Variants in GABRG3 observed in about 807,000 individuals in gnomAD.
GABRG3 encodes the protein gamma-aminobutyric acid type A receptor subunit gamma3.
In GABRG3, 25 loss-of-function variants were observed where a neutral mutation model predicts 48.8. That is an observed-to-expected ratio of 0.51 (90% CI 0.37 to 0.72). GABRG3 has a LOEUF of 0.72. Among genes scored for constraint, GABRG3 ranks in the 30% least tolerant of loss-of-function variants. The pLI is 0.00. For missense variants in GABRG3, 394 were observed against 577.9 expected (o/e 0.68, Z 3.26); for synonymous variants, 227 against 217.6 (o/e 1.04, Z -0.38).
At chr15:27,132,109 T>G (rs1296211368) in intron 3 of GABRG3, among the ~76,000 whole-genome samples, 1 of 152,266 alleles carries the variant, frequency 6.6e-6, no homozygotes, top group East Asian at 1.9e-4. Flanking sequence ...AATTGTTTCC[T>G]TTGTTGTACA....
rs970460258 is a variant in GABRG3, at chr15:27,408,594, G to A, written c.575-72056G>A. ...CAGGTGAGAAGGTAAGAAATGCAGC[G>A]GTAATAGCTGTGAGGGCCGCGGGTC... On this transcript the variant is annotated intron_variant, in intron 5 of 9. Transcript: ENST00000615808. 3.3e-5 allele frequency among the ~76,000 whole-genome samples: 5 copies of A among 152,114 alleles called. No homozygotes were observed. The East Asian group carries it at 7.7e-4, about 23-fold the overall frequency.
intron 3 of GABRG3, among the ~76,000 whole-genome samples, chr15:27,311,594 A>AAC (rs1019928403): frequency 1.3e-4 from 19 of 151,998 alleles, no homozygotes; most frequent in Admixed American, 3.3e-4. Flanking sequence ...ACAACAATAA[A>AAC]ACACACACAC....
At position 27,480,508 on chromosome 15, in the gene GABRG3, C is replaced by T. The variant is rs1890072551; in HGVS notation, c.575-142C>T. The T allele has an allele frequency of 2.2e-5, 17 of 758,546 alleles. No homozygotes were observed. In the East Asian group the frequency reaches 4.6e-4, roughly 21 times the overall value. 47.0% of individuals were successfully genotyped at this position (758,546 alleles called of 1,614,324 possible). On this transcript the variant is annotated intron_variant, in intron 5 of 9. Transcript: ENST00000615808. ...CCATTCATTTTTCAAGTTTCTGTGTCTTGGAGGAAAATTGAGAGTGCACAT... is the reference window on the plus strand; with the variant it reads ...CCATTCATTTTTCAAGTTTCTGTGTTTTGGAGGAAAATTGAGAGTGCACAT...
At chr15:27,459,114 T>C (rs192698106) in intron 5 of GABRG3, among the ~76,000 whole-genome samples, 122 of 152,376 alleles carry the variant, frequency 8.0e-4, no homozygotes, top group African/African-American at 2.7e-3. Context: ...CAAAAGCCGA[T>C]TGTTTCCTGC....
chr15:27,196,280 G>A (rs1888493418), intron 3 of GABRG3, among the ~76,000 whole-genome samples: 1 of 152,004 alleles, frequency 6.6e-6, no homozygotes, highest in African/African-American at 2.4e-5. Flanking sequence ...TCATGTTTGA[G>A]TATCACCAAG....
chr15:27,329,517 G>C (rs1403288550), intron 5 of GABRG3, among the ~76,000 whole-genome samples: 1 of 152,062 alleles, frequency 6.6e-6, no homozygotes, highest in Non-Finnish European at 1.5e-5. Flanking sequence ...CACCCACCTC[G>C]GCCTCCCAAA....
In GABRG3 at chr15:27,103,450, C is replaced by T. The variant is rs1595526971; in HGVS notation, c.270+76629C>T. On this transcript the variant is annotated intron_variant, in intron 3 of 9. Transcript: ENST00000615808. ...GTCCATCCAGGGTCCACAGCATGTC[C>T]AACTAGGGTGGCCAGCCTTCTGGCA... is the stretch of plus-strand genomic sequence containing the variant. Among the ~76,000 whole-genome samples, 5 of 152,202 alleles carry T rather than the reference C, an allele frequency of 3.3e-5. No homozygotes were observed. The South Asian group carries it at 1.0e-3, about 32-fold the overall frequency.
At chr15:27,490,435 C>A (rs2150848922) in intron 6 of GABRG3, among the ~76,000 whole-genome samples, 1 of 152,296 alleles carries the variant, frequency 6.6e-6, no homozygotes, top group South Asian at 2.1e-4. Context: ...TGATGTCCAT[C>A]CAGCTCACCT....
chr15:27,466,984 G>A (rs1028363237), intron 5 of GABRG3, among the ~76,000 whole-genome samples: 2 of 152,278 alleles, frequency 1.3e-5, no homozygotes, highest in Admixed American at 6.5e-5. Flanking sequence ...AGTAATGACT[G>A]GCCTGGAACA....
In GABRG3 at chr15:27,221,355, T is replaced by C. The variant is rs1595594962; in HGVS notation, c.271-105454T>C. ...CAGTTCCCCATGCGTTATTAGTTTA[T>C]GTTACTGTACTTTCTAACTTTAAAT... On this transcript the variant is annotated intron_variant, in intron 3 of 9. Coordinates refer to ENST00000615808, the MANE Select transcript of GABRG3 (RefSeq NM_033223.5). Among the ~76,000 whole-genome samples the C allele has an allele frequency of 2.6e-5, 4 of 152,304 alleles. No individual in the cohort carries two copies. In the South Asian group the frequency reaches 8.3e-4, roughly 32 times the overall value.
At chr15:27,483,129 A>G (rs1295221799) in intron 6 of GABRG3, 1 of 152,212 alleles carries the variant, frequency 6.6e-6, no homozygotes, top group Admixed American at 6.5e-5. Flanking sequence ...AGTTCTACCA[A>G]CTGTGTGGCT....
chr15:27,272,316 G>C (rs561088572), intron 3 of GABRG3, among the ~76,000 whole-genome samples: 5 of 152,218 alleles, frequency 3.3e-5, no homozygotes, highest in Non-Finnish European at 7.3e-5. Context: ...AGGTTCCACT[G>C]TCACAAAGAC....
chr15:27,401,703 G>A (rs1024624060), intron 5 of GABRG3, among the ~76,000 whole-genome samples: 13 of 152,198 alleles, frequency 8.5e-5, no homozygotes, highest in African/African-American at 3.1e-4. Flanking sequence ...CTGGACTGTA[G>A]ATTAACTGTG....
At chr15:27,398,012 G>A (rs956739874) in intron 5 of GABRG3, among the ~76,000 whole-genome samples, 1 of 151,948 alleles carries the variant, frequency 6.6e-6, no homozygotes, top group Non-Finnish European at 1.5e-5. Flanking sequence ...CACCGTGTTA[G>A]CCAGGATGGT....
At chr15:27,320,407 G>A (rs941647420) in intron 3 of GABRG3, among the ~76,000 whole-genome samples, 1 of 152,104 alleles carries the variant, frequency 6.6e-6, no homozygotes, top group Non-Finnish European at 1.5e-5. Context: ...GGCTCCAGAG[G>A]TGTGGGTGGC....
intron 3 of GABRG3, among the ~76,000 whole-genome samples, chr15:27,168,695 C>T (rs1188788970): frequency 6.6e-6 from 1 of 152,192 alleles, no homozygotes; most frequent in East Asian, 1.9e-4. Context: ...CTTATCCCTT[C>T]CACTGTGTGG....
At chr15:27,440,535 C>G (rs1888752639) in intron 5 of GABRG3, among the ~76,000 whole-genome samples, 1 of 152,198 alleles carries the variant, frequency 6.6e-6, no homozygotes, top group South Asian at 2.1e-4. Flanking sequence ...TGGCACTTCT[C>G]TTGGCTAAAC....
chr15:27,104,962 C>G (rs1440322575), intron 3 of GABRG3, among the ~76,000 whole-genome samples: 1 of 152,038 alleles, frequency 6.6e-6, no homozygotes, highest in Non-Finnish European at 1.5e-5. Flanking sequence ...ATACACCAAT[C>G]AAAAAGTAGA....
chr15:27,372,067 A>G (rs530434389), intron 5 of GABRG3, among the ~76,000 whole-genome samples: 2 of 152,246 alleles, frequency 1.3e-5, no homozygotes, highest in Middle Eastern at 3.4e-3. Context: ...AATTAGTAAT[A>G]TTTTATTAAG....
Sources: allele counts gnomAD v4.1 joint callset (sites outside exome capture counted in the v4.1 genomes callset), GRCh38; gene constraint gnomAD v4.1.1; transcripts MANE v1.5; gene names NCBI Gene and HGNC (gene_info 2026-07-23, HGNC 2026-07-21).